BMP2K: variants seen among roughly 807,000 people sequenced by gnomAD.
BMP2K encodes the protein BMP-2-inducible protein kinase.
A neutral mutation model predicts 116.0 loss-of-function variants in BMP2K; 74 were observed. That is an observed-to-expected ratio of 0.64 (90% CI 0.53 to 0.77). BMP2K has a LOEUF of 0.77. Among genes scored for constraint, BMP2K ranks in the 30% least tolerant of loss-of-function variants. The pLI is 0.00. For synonymous variants in BMP2K, 486 were observed against 502.5 expected (o/e 0.97, Z 0.44); for missense variants, 1,365 against 1,403.6 (o/e 0.97, Z 0.44).
At chr4:78,849,129 G>A (rs748105346) in intron 6 of BMP2K, among the ~76,000 whole-genome samples, 24 of 151,112 alleles carry the variant, frequency 1.6e-4, no homozygotes, top group Non-Finnish European at 3.0e-4. Context: ...GGAAGTTTCT[G>A]TTTTAGGTTA....
intron 1 of BMP2K, among the ~76,000 whole-genome samples, chr4:78,778,925 T>C (rs2109912324): frequency 6.6e-6 from 1 of 152,274 alleles, no homozygotes; most frequent in African/African-American, 2.4e-5. Flanking sequence ...ACAGACTTGG[T>C]AGATTTTGCA....
intron 14 of BMP2K, among the ~76,000 whole-genome samples, chr4:78,886,856 T>C (rs912838989): frequency 1.3e-5 from 2 of 152,228 alleles, no homozygotes; most frequent in Non-Finnish European, 2.9e-5. Flanking sequence ...TCTCTGTTTA[T>C]TTAGCTGGGT....
intron 6 of BMP2K, among the ~76,000 whole-genome samples, chr4:78,848,396 T>C: frequency 6.6e-6 from 1 of 151,576 alleles, no homozygotes; most frequent in Admixed American, 6.6e-5. Flanking sequence ...GTTATTATAA[T>C]GTAGAAAGCA....
At chr4:78,889,247 A>G (rs1733292391) in intron 15 of BMP2K, among the ~76,000 whole-genome samples, 1 of 149,162 alleles carries the variant, frequency 6.7e-6, no homozygotes, top group African/African-American at 2.5e-5. Context: ...AAAAAAGCCC[A>G]TTAATATAAA....
intron 15 of BMP2K, among the ~76,000 whole-genome samples, chr4:78,887,906 A>G (rs898460834): frequency 4.6e-5 from 7 of 152,194 alleles, no homozygotes; most frequent in Admixed American, 2.0e-4. Context: ...ATATGTTAGA[A>G]GAAGTTATGC....
At chr4:78,823,481 T>G (rs1193402298) in intron 1 of BMP2K, among the ~76,000 whole-genome samples, 2 of 148,190 alleles carry the variant, frequency 1.3e-5, no homozygotes, top group East Asian at 1.9e-4. Context: ...CTCTCATATA[T>G]ATATATAGTT....
chr4:78,790,011 A>C (rs1306482765), intron 1 of BMP2K, among the ~76,000 whole-genome samples: 1 of 152,206 alleles, frequency 6.6e-6, no homozygotes, highest in Non-Finnish European at 1.5e-5. Flanking sequence ...TAAAAAGAAA[A>C]CACGATTCTT....
intron 6 of BMP2K, among the ~76,000 whole-genome samples, chr4:78,849,235 T>A (rs1004777982): frequency 6.6e-6 from 1 of 151,302 alleles, no homozygotes; most frequent in East Asian, 1.9e-4. Context: ...TACCTATTAA[T>A]GAAGAAAATT....
At chr4:78,841,833 C>T (rs1030900264) in intron 3 of BMP2K, among the ~76,000 whole-genome samples, 3 of 152,016 alleles carry the variant, frequency 2.0e-5, no homozygotes, top group Non-Finnish European at 4.4e-5. Context: ...CAAGTCTCTG[C>T]CTGGTTGATT....
At chr4:78,883,773 G>C (rs147014462) in intron 14 of BMP2K, among the ~76,000 whole-genome samples, 1 of 152,198 alleles carries the variant, frequency 6.6e-6, no homozygotes, top group Non-Finnish European at 1.5e-5. Flanking sequence ...GTTTAAATAC[G>C]TGGAGAGGGT....
chr4:78,908,254 A>G (rs1734385523), intron 15 of BMP2K, among the ~76,000 whole-genome samples: 1 of 152,224 alleles, frequency 6.6e-6, no homozygotes, highest in Non-Finnish European at 1.5e-5. Flanking sequence ...ACTCATGTCA[A>G]CATTGCCAAC....
chr4:78,863,918 G>A (rs982374702), intron 9 of BMP2K, among the ~76,000 whole-genome samples: 1 of 152,118 alleles, frequency 6.6e-6, no homozygotes, highest in South Asian at 2.1e-4. Context: ...ATAAATTCTT[G>A]ACAGCACTAG....
At chr4:78,809,364 T>C (rs985202589) in intron 1 of BMP2K, among the ~76,000 whole-genome samples, 5 of 151,990 alleles carry the variant, frequency 3.3e-5, no homozygotes, top group African/African-American at 1.2e-4. Flanking sequence ...GTTTTTTTTT[T>C]CGTGTGTTTG....
At chr4:78,839,171 T>C (rs548452502) in intron 3 of BMP2K, among the ~76,000 whole-genome samples, 1 of 152,304 alleles carries the variant, frequency 6.6e-6, no homozygotes, top group East Asian at 1.9e-4. Flanking sequence ...CTTGGTTGGG[T>C]GGCACTGCAG....
chr4:78,776,802 C>G (rs1040482318), intron 1 of BMP2K, 81 bp downstream of exon 1: 15 of 1,152,046 alleles, frequency 1.3e-5, no homozygotes, highest in East Asian at 7.0e-5. Flanking sequence ...TCCTCGCCCT[C>G]CGGACTGACT....
rs1325351668 is a variant in BMP2K at position 78,833,677 on chromosome 4, A to G, written c.393A>G (p.Glu131=). 3 of 1,601,174 alleles carry G rather than the reference A, an allele frequency of 1.9e-6. No homozygotes were observed. Among genetic ancestry groups the G allele is most frequent in the South Asian group, 1.1e-5 (1 of 88,226 alleles). ...TATGGGAAGTCCTTATCTTAATGGA[A>G]TATTGTCGAGGTAAGTATTTTTTTG... The part of the protein sequence containing the change: ...DNVWEVLILM[E]YCRAGQVVNQ... The change falls in exon 3 of 16, where the codon GAA becomes GAG. Residue 131 remains glutamate, a synonymous_variant. Transcript: ENST00000502613.
chr4:78,808,298 C>T (rs1728920915), intron 1 of BMP2K, among the ~76,000 whole-genome samples: 1 of 146,924 alleles, frequency 6.8e-6, no homozygotes, highest in Non-Finnish European at 1.5e-5. Flanking sequence ...CTGAGTCTCG[C>T]TGTGTTGCCT....
chr4:78,908,970 T>G (rs1734426161), intron 15 of BMP2K, among the ~76,000 whole-genome samples: 2 of 150,854 alleles, frequency 1.3e-5, no homozygotes, highest in Non-Finnish European at 2.9e-5. Flanking sequence ...GCCACCACTG[T>G]CATGTCATCT....
chr4:78,858,424 A>G (rs551108069), intron 7 of BMP2K, among the ~76,000 whole-genome samples: 58 of 151,952 alleles, frequency 3.8e-4, no homozygotes, highest in Non-Finnish European at 7.8e-4. Context: ...AAAAACATCC[A>G]TTTTATAAGT....
Sources: gnomAD v4.1 joint callset for allele counts (sites outside exome capture counted in the v4.1 genomes callset) on GRCh38, gnomAD v4.1.1 for gene constraint, MANE v1.5 for transcripts, NCBI Gene and HGNC (gene_info 2026-07-23, HGNC 2026-07-21) for gene names.